Variants in MMP26 observed in about 807,000 individuals in gnomAD.
MMP26 encodes the protein matrix metallopeptidase 26, also known as matrix metalloproteinase-26.
MMP26 carries 33 observed loss-of-function variants against 31.0 expected under a neutral mutation model. The observed-to-expected ratio is 1.06, with a 90% CI of 0.81 to 1.42. The LOEUF (loss-of-function observed/expected upper bound fraction) is 1.42, where lower values mean the gene tolerates loss of function less well. Ranked by LOEUF, MMP26 falls within the 40% of genes most tolerant of loss-of-function variation. The pLI is 0.00. For missense variants in MMP26, 347 were observed against 316.1 expected, an observed-to-expected ratio of 1.10 and a Z score of -0.74; for synonymous variants, 122 against 114.9, an observed-to-expected ratio of 1.06 and a Z score of -0.40.
chr11:4,798,075 G>A (rs1300038741), intron 2 of MMP26, among the ~76,000 whole-genome samples: 1 of 152,194 alleles, frequency 6.6e-6, no homozygotes, highest in Non-Finnish European at 1.5e-5. Flanking sequence ...ATTAGGGCTG[G>A]CATCTGGAGG....
Position 4,907,817 on chromosome 11 carries a change from A to G in MMP26, c.-144-80251A>G. 3 of 1,613,914 alleles carry G rather than the reference A, an allele frequency of 1.9e-6. No homozygotes were observed. The Middle Eastern group carries it at 4.9e-4, about 266-fold the overall frequency. ...TGCTAAAATGGGACTTATTTTAGCC[A>G]TTAGGAGCATTCTCTTAGTGATTCC... On this transcript the variant is annotated intron_variant, in intron 2 of 7. Transcript: ENST00000380390.
intron 2 of MMP26, among the ~76,000 whole-genome samples, chr11:4,849,438 C>A (rs1849942161): frequency 6.6e-6 from 1 of 152,092 alleles, no homozygotes; most frequent in South Asian, 2.1e-4. Flanking sequence ...TATAGCTGTC[C>A]TCATAGCTCT....
intron 2 of MMP26, among the ~76,000 whole-genome samples, chr11:4,831,015 T>C (rs927375095): frequency 6.6e-6 from 1 of 152,148 alleles, no homozygotes; most frequent in Non-Finnish European, 1.5e-5. Flanking sequence ...CATATAACAC[T>C]AAGCCTGCCT....
At chr11:4,821,438 A>T in intron 2 of MMP26, 2 of 1,613,924 alleles carry the variant, frequency 1.2e-6, no homozygotes, top group Middle Eastern at 3.3e-4. Flanking sequence ...GTCCTCAATA[A>T]TACCATTGCT....
At chr11:4,881,261 C>T (rs1043548037) in intron 2 of MMP26, among the ~76,000 whole-genome samples, 12 of 152,072 alleles carry the variant, frequency 7.9e-5, no homozygotes, top group Non-Finnish European at 1.3e-4. Context: ...CTCCTCTTAC[C>T]GCCTTGCATT....
chr11:4,741,046 G>T (rs1236596224), intron 1 of MMP26, among the ~76,000 whole-genome samples: 1 of 152,074 alleles, frequency 6.6e-6, no homozygotes, highest in Non-Finnish European at 1.5e-5. Context: ...TTATGGCTTT[G>T]GGTTTTATAT....
intron 2 of MMP26, among the ~76,000 whole-genome samples, chr11:4,918,978 T>C (rs935130020): frequency 1.3e-5 from 2 of 152,256 alleles, no homozygotes; most frequent in Admixed American, 6.5e-5. Context: ...CATGCCTGCA[T>C]GACAATTTTG....
chr11:4,744,130 A>G (rs921406905), intron 1 of MMP26, among the ~76,000 whole-genome samples: 2 of 151,850 alleles, frequency 1.3e-5, no homozygotes, highest in African/African-American at 4.8e-5. Flanking sequence ...GTCTATTTCT[A>G]CTCTTCAGGG....
intron 2 of MMP26, among the ~76,000 whole-genome samples, chr11:4,929,004 A>T (rs1450187031): frequency 6.6e-6 from 1 of 152,148 alleles, no homozygotes; most frequent in Non-Finnish European, 1.5e-5. Context: ...TGGCCCTTCT[A>T]GATACTTTCT....
chr11:4,989,620 A>G (rs752290689), intron 3 of MMP26, 28 bp from the exon 4 acceptor site: 46 of 1,576,624 alleles, frequency 2.9e-5, no homozygotes, highest in Admixed American at 6.9e-5. Context: ...ATTGACTCTT[A>G]GTACTCATCC....
chr11:4,962,843 A>T (rs1335731343), intron 2 of MMP26, among the ~76,000 whole-genome samples: 1 of 152,222 alleles, frequency 6.6e-6, no homozygotes, highest in Non-Finnish European at 1.5e-5. Flanking sequence ...GAGCTGGTGC[A>T]AAGGCAAAGT....
At chr11:4,971,788 C>T (rs1370953757) in intron 2 of MMP26, among the ~76,000 whole-genome samples, 1 of 152,134 alleles carries the variant, frequency 6.6e-6, no homozygotes, top group Non-Finnish European at 1.5e-5. Flanking sequence ...CTCAGAAAGC[C>T]TCTACTCATT....
At chr11:4,771,031 C>A (rs1049698691) in intron 2 of MMP26, among the ~76,000 whole-genome samples, 11 of 152,158 alleles carry the variant, frequency 7.2e-5, no homozygotes, top group African/African-American at 2.6e-4. Context: ...AAAGTATTAG[C>A]AGTGGAGGTA....
chr11:4,862,579 G>A (rs928532832), intron 2 of MMP26, among the ~76,000 whole-genome samples: 5 of 152,210 alleles, frequency 3.3e-5, no homozygotes. Context: ...TGGTGTCTTT[G>A]TTCTCACCTA....
chr11:4,717,020 T>A (rs1236859020), intron 1 of MMP26, among the ~76,000 whole-genome samples: 5 of 152,182 alleles, frequency 3.3e-5, no homozygotes, highest in Non-Finnish European at 1.5e-5. Flanking sequence ...TTAGTGGCAT[T>A]TCTAAAATAT....
intron 2 of MMP26, among the ~76,000 whole-genome samples, chr11:4,856,562 A>C (rs984473558): frequency 6.6e-6 from 1 of 152,214 alleles, no homozygotes; most frequent in Admixed American, 6.5e-5. Flanking sequence ...GAGCACCCAG[A>C]TTCATAAAGC....
intron 2 of MMP26, chr11:4,945,109 T>A (rs1423684534): frequency 6.6e-6 from 1 of 151,198 alleles, no homozygotes; most frequent in Non-Finnish European, 1.5e-5. Flanking sequence ...TTAAGTATAA[T>A]AAAGAATAAA....
chr11:4,894,988 G>A (rs1180252806), intron 2 of MMP26, among the ~76,000 whole-genome samples: 1 of 152,138 alleles, frequency 6.6e-6, no homozygotes, highest in Admixed American at 6.5e-5. Context: ...TTGAGAATAA[G>A]AGGTAGAGTT....
intron 4 of MMP26, 89 bp downstream of exon 4, chr11:4,989,957 C>T (rs993001623): frequency 4.7e-6 from 5 of 1,065,184 alleles, no homozygotes; most frequent in East Asian, 2.6e-5. Context: ...TACCTCTACT[C>T]TCTTCTGCTT....
Sources: allele counts gnomAD v4.1 joint callset (sites outside exome capture counted in the v4.1 genomes callset), GRCh38; gene constraint gnomAD v4.1.1; transcripts MANE v1.5; gene names NCBI Gene and HGNC (gene_info 2026-07-23, HGNC 2026-07-21).